The following JARID2 variants were observed in gnomAD, a reference collection of about 807,000 sequenced individuals.
JARID2 encodes jumonji and AT-rich interaction domain containing 2.
In JARID2, 21 loss-of-function variants were observed where a neutral mutation model predicts 125.6. The observed-to-expected ratio is 0.17, with a 90% confidence interval of 0.12 to 0.24. The LOEUF (loss-of-function observed/expected upper bound fraction) is 0.24, where lower values mean the gene tolerates loss of function less well. Among genes scored for constraint, JARID2 ranks in the 10% least tolerant of loss-of-function variants. The pLI is 1.00. For synonymous variants in JARID2, 736 were observed against 661.6 expected (o/e 1.11, Z -1.73); for missense variants, 1,303 against 1,639.6 (o/e 0.79, Z 3.55).
chr6:15,455,329 T>G (rs1768113158), intron 4 of JARID2, among the ~76,000 whole-genome samples: 1 of 152,136 alleles, frequency 6.6e-6, no homozygotes, highest in Non-Finnish European at 1.5e-5. Context: ...TTGTGATACA[T>G]GTAAGTGATC....
chr6:15,461,858 G>A (rs994243787), intron 4 of JARID2, among the ~76,000 whole-genome samples: 1 of 151,476 alleles, frequency 6.6e-6, no homozygotes, highest in African/African-American at 2.4e-5. Context: ...TGGATCCCAT[G>A]TAGAGTCCCT....
intron 6 of JARID2, among the ~76,000 whole-genome samples, chr6:15,495,222 G>C (rs1292805229): frequency 6.6e-6 from 1 of 152,052 alleles, no homozygotes; most frequent in Non-Finnish European, 1.5e-5. Context: ...TGCCATTGTC[G>C]CTCCCCATTT....
intron 2 of JARID2, 108 bp from the exon 3 acceptor site, chr6:15,410,116 A>G (rs369468726): frequency 3.9e-6 from 4 of 1,020,852 alleles, no homozygotes; most frequent in South Asian, 4.1e-5. Context: ...ATTCTCTTCT[A>G]TCCACATTCT....
chr6:15,265,585 C>G (rs1333611738), intron 1 of JARID2, among the ~76,000 whole-genome samples: 1 of 152,072 alleles, frequency 6.6e-6, no homozygotes, highest in Non-Finnish European at 1.5e-5. Flanking sequence ...CCCATGGGTA[C>G]AGAAGTTAAG....
At chr6:15,452,616 G>A (rs1767969411) in intron 4 of JARID2, among the ~76,000 whole-genome samples, 1 of 152,114 alleles carries the variant, frequency 6.6e-6, no homozygotes, top group East Asian at 1.9e-4. Context: ...GGGACTTACG[G>A]TTCTCTCAGC....
At chr6:15,499,345 C>G (rs1007873342) in intron 7 of JARID2, among the ~76,000 whole-genome samples, 1 of 152,176 alleles carries the variant, frequency 6.6e-6, no homozygotes, top group Non-Finnish European at 1.5e-5. Flanking sequence ...GGAAGGGGCT[C>G]GGCCACGTAG....
chr6:15,283,171 G>A (rs1362617393), intron 1 of JARID2, among the ~76,000 whole-genome samples: 1 of 148,346 alleles, frequency 6.7e-6, no homozygotes, highest in Non-Finnish European at 1.5e-5. Flanking sequence ...TTAGAGACGG[G>A]GTTTCACCGT....
At chr6:15,431,984 G>A (rs1766984312) in intron 3 of JARID2, among the ~76,000 whole-genome samples, 1 of 152,114 alleles carries the variant, frequency 6.6e-6, no homozygotes, top group South Asian at 2.1e-4. Context: ...TAGTGCTCCT[G>A]CACTTTTGCT....
At chr6:15,396,590 G>GA in intron 2 of JARID2, among the ~76,000 whole-genome samples, 1 of 152,276 alleles carries the variant, frequency 6.6e-6, no homozygotes, top group South Asian at 2.1e-4. Context: ...TGTATATACT[G>GA]TGTTTTTTGC....
intron 1 of JARID2, among the ~76,000 whole-genome samples, chr6:15,336,004 T>G (rs1762863522): frequency 6.6e-6 from 1 of 152,080 alleles, no homozygotes; most frequent in African/African-American, 2.4e-5. Context: ...AAGGATTGCT[T>G]GAGCTGAGGA....
intron 3 of JARID2, among the ~76,000 whole-genome samples, chr6:15,425,014 T>C (rs1185343052): frequency 1.3e-5 from 2 of 152,180 alleles, no homozygotes; most frequent in East Asian, 1.9e-4. Flanking sequence ...TTTATTATCA[T>C]CCCCATCCTA....
intron 2 of JARID2, among the ~76,000 whole-genome samples, chr6:15,395,943 T>G (rs1287319111): frequency 6.6e-6 from 1 of 152,116 alleles, no homozygotes; most frequent in Non-Finnish European, 1.5e-5. Flanking sequence ...GATTACAGGC[T>G]TGAGCCACCG....
chr6:15,415,637 C>T (rs898899594), intron 3 of JARID2, among the ~76,000 whole-genome samples: 2 of 141,774 alleles, frequency 1.4e-5, no homozygotes, highest in African/African-American at 5.3e-5. Context: ...GCTGGCCGGG[C>T]GGGGGGCTGA....
At chr6:15,471,398 T>G (rs1355341494) in intron 5 of JARID2, among the ~76,000 whole-genome samples, 2 of 152,210 alleles carry the variant, frequency 1.3e-5, no homozygotes, top group African/African-American at 4.8e-5. Flanking sequence ...TAATAGAGAT[T>G]GAAGAGTGAA....
intron 1 of JARID2, among the ~76,000 whole-genome samples, chr6:15,285,106 GTTTTTTT>G (rs199945772): frequency 0.012 from 1,420 of 119,452 alleles, 28 homozygotes; most frequent in African/African-American, 0.043. Context: ...GTCTTTCTGG[GTTTTTTT>G]TTTTTTTTTT....
chr6:15,495,135 C>T (rs1474959357), intron 6 of JARID2, among the ~76,000 whole-genome samples: 3 of 152,166 alleles, frequency 2.0e-5, no homozygotes, highest in Admixed American at 6.5e-5. Context: ...GACATCTTCT[C>T]GAAACCAGCA....
At chr6:15,270,661 A>T (rs1247792196) in intron 1 of JARID2, among the ~76,000 whole-genome samples, 1 of 152,094 alleles carries the variant, frequency 6.6e-6, no homozygotes, top group Non-Finnish European at 1.5e-5. Flanking sequence ...GAAAAAGCTG[A>T]CCAGAGGCCA....
At chr6:15,472,827 TC>T (rs995838596) in intron 5 of JARID2, among the ~76,000 whole-genome samples, 3 of 152,252 alleles carry the variant, frequency 2.0e-5, no homozygotes, top group Non-Finnish European at 4.4e-5. Flanking sequence ...CCTGGGCATG[TC>T]CCTCTGCAAT....
chr6:15,466,676 T>C (rs1768756353), intron 4 of JARID2, among the ~76,000 whole-genome samples: 1 of 152,248 alleles, frequency 6.6e-6, no homozygotes. Flanking sequence ...TCTGTACCCA[T>C]GAATGGTGAT....
Sources: gnomAD v4.1 joint callset for allele counts (sites outside exome capture counted in the v4.1 genomes callset) on GRCh38, gnomAD v4.1.1 for gene constraint, MANE v1.5 for transcripts, NCBI Gene and HGNC (gene_info 2026-07-23, HGNC 2026-07-21) for gene names.